The following VPS41 variants were observed in gnomAD, a reference collection of about 807,000 sequenced individuals.
The protein encoded by VPS41 is VPS41 subunit of HOPS complex, also known as vacuolar protein sorting-associated protein 41 homolog.
VPS41 carries 85 observed loss-of-function variants against 130.9 expected under a neutral mutation model. That is an observed-to-expected ratio of 0.65 (90% CI 0.55 to 0.78). The LOEUF is 0.78. Ranked by LOEUF, VPS41 falls within the 30% of genes least tolerant of loss-of-function variation. The pLI is 0.00. For synonymous variants in VPS41, 335 were observed against 332.9 expected (o/e 1.01, Z -0.07); for missense variants, 874 against 1,018.7 (o/e 0.86, Z 1.93).
chr7:38,753,271 C>T (rs1489816875), intron 21 of VPS41, among the ~76,000 whole-genome samples: 2 of 152,068 alleles, frequency 1.3e-5, no homozygotes, highest in Admixed American at 6.6e-5. Context: ...ACTGTAAATG[C>T]GCTGATGTTT....
intron 4 of VPS41, among the ~76,000 whole-genome samples, chr7:38,834,576 G>A (rs1247094220): frequency 6.6e-6 from 1 of 152,122 alleles, no homozygotes; most frequent in Non-Finnish European, 1.5e-5. Flanking sequence ...CTGTGATTAG[G>A]AAGAGTCACA....
chr7:38,814,519 A>G (rs971304316), intron 7 of VPS41, among the ~76,000 whole-genome samples: 2 of 152,002 alleles, frequency 1.3e-5, no homozygotes, highest in African/African-American at 4.8e-5. Flanking sequence ...GCATGGTGGC[A>G]GGCGCCTGTA....
chr7:38,872,265 G>A (rs971658760), intron 2 of VPS41, among the ~76,000 whole-genome samples: 2 of 152,182 alleles, frequency 1.3e-5, no homozygotes, highest in African/African-American at 2.4e-5. Context: ...CCCTGTGGAG[G>A]GGTCCACGAA....
In VPS41 at chr7:38,751,444, G is replaced by A. The variant is rs77887085; in HGVS notation, c.1926+732C>T. Among the ~76,000 whole-genome samples, 11 of 152,310 alleles carry A rather than the reference G, an allele frequency of 7.2e-5. No homozygotes were observed. The East Asian group carries it at 1.7e-3, about 24-fold the overall frequency. ...CAGTTGTTAGCACATATATAGTTAA[G>A]TACTTCAGTTTATTTTGAAACAGCA... On this transcript the variant is annotated intron_variant, in intron 22 of 28. Transcript: ENST00000310301.
rs1274878420 is a variant in VPS41, at chr7:38,728,428, G to C, written c.2404+114C>G. 3.4e-6 allele frequency: 4 copies of C among 1,168,646 alleles called. No individual in the cohort carries two copies. In the African/African-American group the frequency reaches 6.1e-5, roughly 18 times the overall value. The allele number at this position is 1,168,646 out of a possible 1,614,324, so 72.4% of individuals were successfully genotyped here. A position where few individuals can be genotyped will look rare whatever the true frequency, so the allele number is the denominator to read the frequency against. ...GAAGCCACAACACTTCTCTCCACTG[G>C]GTTATTCTGAAAGTTATATAGTTTT... is the stretch of plus-strand genomic sequence containing the variant. On this transcript the variant is annotated intron_variant, in intron 27 of 28. Coordinates refer to ENST00000310301, the MANE Select transcript of VPS41 (RefSeq NM_014396.4).
At chr7:38,734,270 C>T (rs1024244138) in intron 25 of VPS41, among the ~76,000 whole-genome samples, 7 of 152,136 alleles carry the variant, frequency 4.6e-5, no homozygotes, top group African/African-American at 1.7e-4. Flanking sequence ...TTATTCAAAT[C>T]TAGGGGTCAA....
At chr7:38,886,568 T>C (rs1360437442) in intron 2 of VPS41, among the ~76,000 whole-genome samples, 2 of 150,354 alleles carry the variant, frequency 1.3e-5, no homozygotes, top group East Asian at 1.9e-4. Context: ...ACTGCCTTTC[T>C]AGGTTCCACC....
intron 4 of VPS41, among the ~76,000 whole-genome samples, chr7:38,840,529 T>A (rs79643038): frequency 0.1 from 15,718 of 151,998 alleles, 1,209 homozygotes; most frequent in African/African-American, 0.22. Context: ...CAAGAAAAAA[T>A]AATGAATACA....
chr7:38,739,320 T>C (rs1255835109), intron 25 of VPS41, among the ~76,000 whole-genome samples: 1 of 152,324 alleles, frequency 6.6e-6, no homozygotes, highest in East Asian at 1.9e-4. Flanking sequence ...AATTTTCAGA[T>C]TGAATAGGGT....
chr7:38,845,590 C>T (rs1190027435), intron 4 of VPS41, among the ~76,000 whole-genome samples: 1 of 152,228 alleles, frequency 6.6e-6, no homozygotes, highest in Non-Finnish European at 1.5e-5. Context: ...ACAAGTTGCA[C>T]TGTGGTCTCC....
chr7:38,835,197 T>A (rs1785469367), intron 4 of VPS41, among the ~76,000 whole-genome samples: 1 of 151,936 alleles, frequency 6.6e-6, no homozygotes, highest in Non-Finnish European at 1.5e-5. Context: ...TGTACTAGCC[T>A]CTTTGCAGAA....
intron 17 of VPS41, among the ~76,000 whole-genome samples, chr7:38,759,812 G>A (rs534359302): frequency 1.9e-4 from 29 of 152,122 alleles, no homozygotes; most frequent in African/African-American, 6.7e-4. Context: ...AATGCACTTA[G>A]GCCTGGGCTG....
At chr7:38,732,294 T>C (rs1486463717) in intron 25 of VPS41, among the ~76,000 whole-genome samples, 1 of 152,202 alleles carries the variant, frequency 6.6e-6, no homozygotes, top group African/African-American at 2.4e-5. Context: ...TTTTCATCTC[T>C]TGAGTAAATA....
chr7:38,749,550 T>C (rs565486974), intron 22 of VPS41, among the ~76,000 whole-genome samples: 6 of 152,202 alleles, frequency 3.9e-5, no homozygotes, highest in African/African-American at 1.4e-4. Context: ...CTTGTACCAA[T>C]AGGACTCAAC....
chr7:38,774,770 G>A (rs866784120), intron 11 of VPS41, among the ~76,000 whole-genome samples: 66 of 152,252 alleles, frequency 4.3e-4, no homozygotes, highest in African/African-American at 1.5e-3. Context: ...CCTTGCCTGT[G>A]AACTCCCTAA....
intron 2 of VPS41, among the ~76,000 whole-genome samples, chr7:38,872,605 G>A (rs1584438602): frequency 6.6e-6 from 1 of 152,080 alleles, no homozygotes; most frequent in East Asian, 1.9e-4. Context: ...AGAACTAATA[G>A]CAACAAAAGG....
At chr7:38,812,863 A>C (rs1243361141) in intron 7 of VPS41, among the ~76,000 whole-genome samples, 1 of 152,168 alleles carries the variant, frequency 6.6e-6, no homozygotes, top group Admixed American at 6.6e-5. Flanking sequence ...GAGTGATTAT[A>C]ATCAAAAAGA....
chr7:38,816,433 A>C (rs1453412505), intron 7 of VPS41, among the ~76,000 whole-genome samples: 1 of 152,180 alleles, frequency 6.6e-6, no homozygotes, highest in Non-Finnish European at 1.5e-5. Context: ...ATGACAGATA[A>C]GTATCATAAA....
chr7:38,870,886 T>A (rs377517249), intron 2 of VPS41, among the ~76,000 whole-genome samples: 1 of 143,630 alleles, frequency 7.0e-6, no homozygotes, highest in East Asian at 2.0e-4. Context: ...AATTAAGAAG[T>A]CAATAGATGG....
Sources: allele counts gnomAD v4.1 joint callset (sites outside exome capture counted in the v4.1 genomes callset), GRCh38; gene constraint gnomAD v4.1.1; transcripts MANE v1.5; gene names NCBI Gene and HGNC (gene_info 2026-07-23, HGNC 2026-07-21).